Variants in ARHGEF10L observed in about 807,000 individuals in gnomAD.
ARHGEF10L encodes Rho guanine nucleotide exchange factor 10 like, also known as rho guanine nucleotide exchange factor 10-like protein.
In ARHGEF10L, 69 loss-of-function variants were observed where a neutral mutation model predicts 141.2. That is an observed-to-expected ratio of 0.49 (90% CI 0.40 to 0.60). ARHGEF10L has a LOEUF of 0.60. ARHGEF10L is among the 20% of genes least tolerant of loss of function. The pLI, the probability that ARHGEF10L is intolerant of heterozygous loss-of-function variation, is 0.00. For missense variants in ARHGEF10L, 1,482 were observed against 1,734.3 expected (o/e 0.85, Z 2.58); for synonymous variants, 711 against 718.5 (o/e 0.99, Z 0.17).
chr1:17,566,534 C>A (rs1473418370), intron 1 of ARHGEF10L, among the ~76,000 whole-genome samples: 1 of 152,224 alleles, frequency 6.6e-6, no homozygotes, highest in Non-Finnish European at 1.5e-5. Context: ...GTGGAGGGGC[C>A]CTTGGAGGCT....
chr1:17,664,426 G>A, intron 25 of ARHGEF10L, 21 bp from the exon 26 acceptor site: 1 of 1,597,996 alleles, frequency 6.3e-7, no homozygotes, highest in South Asian at 1.1e-5. Flanking sequence ...CCCCTGACCT[G>A]CCTCCCCTCT....
chr1:17,532,148 C>A, the ARHGEF10L span, among the ~76,000 whole-genome samples: 1 of 152,194 alleles, frequency 6.6e-6, no homozygotes, highest in East Asian at 1.9e-4. Flanking sequence ...GTCCCCTGGG[C>A]TCTCTCCCTG....
In ARHGEF10L at chr1:17,634,557, C is replaced by T. The variant is rs2060887501; in HGVS notation, c.1740C>T (p.Asn580=). 45 of 1,613,980 alleles carry T rather than the reference C, an allele frequency of 2.8e-5. No individual in the cohort carries two copies. The highest frequency in any genetic ancestry group is 3.6e-5 in the Non-Finnish European group (43 of 1,180,002). Residue 580 remains asparagine, a synonymous_variant, in exon 17 of 29, where the codon AAC becomes AAT. Transcript: ENST00000361221. ...TTGTCTTTTTTCCCAGGCCTGCCAACCACAGGTACGTGGTTCAGGGGGCTC... is the reference window on the plus strand; with the variant it reads ...TTGTCTTTTTTCCCAGGCCTGCCAATCACAGGTACGTGGTTCAGGGGGCTC... ...VCANINFKPA[N]HRGQLEISSL... is the part of the protein sequence containing the mutation.
intron 1 of ARHGEF10L, among the ~76,000 whole-genome samples, chr1:17,576,627 G>GT: frequency 6.6e-6 from 1 of 152,086 alleles, no homozygotes; most frequent in Non-Finnish European, 1.5e-5. Flanking sequence ...CCTGGATAGG[G>GT]TCCCCATGGT....
chr1:17,623,133 G>C lies in ARHGEF10L; in HGVS notation c.1158G>C (p.Glu386Asp), dbSNP rs1341669716. Residue 386 changes from glutamate to aspartate, a missense_variant, in exon 12 of 29, where the codon GAG becomes GAC. Physicochemically the swap from Glu to Asp is conservative, Grantham distance 45. Around this residue, in one of 3 missense-constraint regions of ARHGEF10L, gnomAD observed 392 missense variants for 542.1 expected, o/e 0.72. Coordinates refer to ENST00000361221, the MANE Select transcript of ARHGEF10L (RefSeq NM_018125.4). This position sits in a 1 kb window ranked among gnomAD's most constrained non-coding sequence, Gnocchi z 4.7. ...TCGCCCTGTCCTCCCGCGTGGCTGAGTGGGATTCCACCGAGAAGATCGGGG... is the reference window on the plus strand; with the variant it reads ...TCGCCCTGTCCTCCCGCGTGGCTGACTGGGATTCCACCGAGAAGATCGGGG... ...FQIALSSRVA[E>D]WDSTEKIGDL... 18 of 1,613,952 alleles carry C rather than the reference G, an allele frequency of 1.1e-5. No individual in the cohort carries two copies. Among genetic ancestry groups the C allele is most frequent in the Admixed American group, 1.7e-5 (1 of 59,994 alleles).
chr1:17,584,859 A>G (rs1440047490), intron 2 of ARHGEF10L, among the ~76,000 whole-genome samples: 2 of 112,164 alleles, frequency 1.8e-5, no homozygotes, highest in Admixed American at 8.1e-5. Context: ...GTGTGCGTGC[A>G]CACACACACA....
At chr1:17,691,708 T>C (rs2065121805) in intron 27 of ARHGEF10L, among the ~76,000 whole-genome samples, 1 of 151,612 alleles carries the variant, frequency 6.6e-6, no homozygotes, top group Admixed American at 6.6e-5. Context: ...ATTATATGTA[T>C]ATATATATGT....
At chr1:17,646,025 C>T (rs572043833) in intron 21 of ARHGEF10L, among the ~76,000 whole-genome samples, 2 of 152,316 alleles carry the variant, frequency 1.3e-5, no homozygotes, top group South Asian at 4.1e-4. Context: ...GTTTCCAGGG[C>T]CCAGCAGGGT....
At position 17,621,909 on chromosome 1, in the gene ARHGEF10L, A is replaced by G; in HGVS notation, c.988A>G (p.Ser330Gly). 3 of 1,614,182 alleles carry G rather than the reference A, an allele frequency of 1.9e-6. No individual in the cohort carries two copies. The highest frequency in any genetic ancestry group is 2.5e-6 in the Non-Finnish European group (3 of 1,180,038). ...ILGSIVQSEG[S>G]YVESLKRILQ... is the part of the protein sequence containing the mutation. ...GGGCTCCATCGTGCAGAGCGAAGGC[A>G]GCTACGTGGAGTCTCTGAAGCGGAT... Residue 330 changes from serine to glycine, a missense_variant, in exon 11 of 29, where the codon AGC (serine) becomes GGC (glycine). This residue lies in a region of ARHGEF10L where 392 missense variants were observed against 542.1 expected (regional missense o/e 0.72). Transcript: ENST00000361221. The surrounding 1 kb of genome is among the most constrained non-coding windows in gnomAD (Gnocchi z 4.1).
At chr1:17,618,432 A>T in intron 9 of ARHGEF10L, 1 of 1,526,436 alleles carries the variant, frequency 6.6e-7, no homozygotes, top group Non-Finnish European at 8.8e-7. Context: ...CCGGGGCGTG[A>T]TGTGGGCCCG....
rs1408050632 is a variant in ARHGEF10L at position 17,696,925 on chromosome 1, G to A, written c.3385G>A (p.Asp1129Asn). Residue 1129 changes from aspartate to asparagine, a missense_variant, in exon 29 of 29, where the codon GAC becomes AAC. Asp to Asn is a conservative substitution (Grantham distance 23). Transcript: ENST00000361221. The part of the protein sequence containing the change: ...LAVATSILAP[D>N]ILRSDQEEAE... ...TGTGGCTACCAGCATCCTGGCCCCTGACATCCTGCGGAGTGACCAGGAGGA... is the reference window on the plus strand; with the variant it reads ...TGTGGCTACCAGCATCCTGGCCCCTAACATCCTGCGGAGTGACCAGGAGGA... The A allele has an allele frequency of 1.2e-6, 2 of 1,610,906 alleles. No individual in the cohort carries two copies. Among genetic ancestry groups the A allele is most frequent in the Non-Finnish European group, 1.7e-6 (2 of 1,178,588 alleles).
At chr1:17,563,172 A>T (rs2077610551) in intron 1 of ARHGEF10L, among the ~76,000 whole-genome samples, 1 of 151,634 alleles carries the variant, frequency 6.6e-6, no homozygotes, top group Admixed American at 6.6e-5. Flanking sequence ...GGGGGCATTT[A>T]TGGAATACCC....
At chr1:17,594,904 G>T (rs2079928807) in intron 4 of ARHGEF10L, among the ~76,000 whole-genome samples, 1 of 152,122 alleles carries the variant, frequency 6.6e-6, no homozygotes, top group Admixed American at 6.5e-5. Context: ...CATTGTCACT[G>T]TCTCCAAAGG....
rs754855132 is a variant in ARHGEF10L, at chr1:17,697,121, C to T, written c.3581C>T (p.Ala1194Val). Residue 1194 changes from alanine (A) to valine (V), a missense_variant, in exon 29 of 29, where the codon GCG (alanine) becomes GTG (valine). This residue lies in a region of ARHGEF10L where 858 missense variants were observed against 966.3 expected (regional missense o/e 0.89). Transcript: ENST00000361221. The surrounding 1 kb of genome is among the most constrained non-coding windows in gnomAD (Gnocchi z 4.8). ...PGPLLSMREP[A>V]PADGAALEHS... ...CCGCTGCTCTCCATGCGGGAGCCGGCGCCTGCTGATGGCGCAGCTTTGGAG... is the reference window on the plus strand; with the variant it reads ...CCGCTGCTCTCCATGCGGGAGCCGGTGCCTGCTGATGGCGCAGCTTTGGAG... 29 of 1,610,250 alleles carry T rather than the reference C, an allele frequency of 1.8e-5. No homozygotes were observed. The highest frequency in any genetic ancestry group is 2.4e-5 in the Non-Finnish European group (28 of 1,178,498).
At chr1:17,581,928 A>G (rs2100534236) in intron 2 of ARHGEF10L, among the ~76,000 whole-genome samples, 1 of 152,046 alleles carries the variant, frequency 6.6e-6, no homozygotes, top group Middle Eastern at 3.4e-3. Flanking sequence ...TCCCTGTGGC[A>G]ATGGGTGGCT....
intron 15 of ARHGEF10L, among the ~76,000 whole-genome samples, chr1:17,629,356 G>A (rs2060554847): frequency 6.6e-6 from 1 of 152,150 alleles, no homozygotes; most frequent in Non-Finnish European, 1.5e-5. Context: ...CATGGCAGTA[G>A]TTGCCAACAT....
chr1:17,666,725 C>G (rs928052144), intron 26 of ARHGEF10L, among the ~76,000 whole-genome samples: 1 of 151,484 alleles, frequency 6.6e-6, no homozygotes, highest in Non-Finnish European at 1.5e-5. Flanking sequence ...TCCCTGCTAT[C>G]CCCCCAGCCC....
the ARHGEF10L span, among the ~76,000 whole-genome samples, chr1:17,529,958 G>A: frequency 2.0e-5 from 3 of 149,038 alleles, no homozygotes; most frequent in Admixed American, 6.8e-5. Flanking sequence ...TCAGGCTCCC[G>A]AGTAGCTGGG....
the ARHGEF10L span, among the ~76,000 whole-genome samples, chr1:17,515,795 A>C: frequency 1.3e-5 from 2 of 152,078 alleles, no homozygotes; most frequent in Admixed American, 1.3e-4. Context: ...GGTGTGCACC[A>C]CCATGCCTGG....
Sources: gnomAD v4.1 joint callset for allele counts (sites outside exome capture counted in the v4.1 genomes callset) on GRCh38, gnomAD v4.1.1 for gene constraint, gnomAD v4.1.1 regional missense constraint, Gnocchi (gnomAD v3.1) non-coding constraint, MANE v1.5 for transcripts, NCBI Gene and HGNC (gene_info 2026-07-23, HGNC 2026-07-21) for gene names.